TDRD9: variants seen among roughly 807,000 people sequenced by gnomAD.
The protein encoded by TDRD9 is ATP-dependent RNA helicase TDRD9.
Under a neutral mutation model 172.6 loss-of-function variants are expected in TDRD9, and 124 were observed. The ratio of observed to expected loss-of-function variants is 0.72; its 90% CI spans 0.62 to 0.83. TDRD9 has a LOEUF of 0.83. Among genes scored for constraint, TDRD9 ranks in the 40% least tolerant of loss-of-function variants. The pLI is 0.00. For synonymous variants in TDRD9, 619 were observed against 617.1 expected, an observed-to-expected ratio of 1.00 and a Z score of -0.05; for missense variants, 1,479 against 1,714.1, an observed-to-expected ratio of 0.86 and a Z score of 2.42.
At chr14:104,009,516 G>A (rs182171123) in intron 20 of TDRD9, among the ~76,000 whole-genome samples, 1 of 152,324 alleles carries the variant, frequency 6.6e-6, no homozygotes, top group Admixed American at 6.5e-5. Flanking sequence ...GTGAGGGAAT[G>A]TGAAGGCCCA....
At chr14:103,971,718 C>A (rs1428316219) in intron 6 of TDRD9, among the ~76,000 whole-genome samples, 1 of 152,192 alleles carries the variant, frequency 6.6e-6, no homozygotes, top group Non-Finnish European at 1.5e-5. Flanking sequence ...CTTTTATGAA[C>A]AGAGTACGGA....
At chr14:104,007,037 T>A (rs1315677373) in intron 18 of TDRD9, 123 bp from the exon 19 acceptor site, 1 of 1,118,216 alleles carries the variant, frequency 8.9e-7, no homozygotes, top group African/African-American at 1.6e-5. Flanking sequence ...TTTATGAAAT[T>A]GATTGAAAAA....
chr14:103,966,048 A>G (rs1293015029), intron 4 of TDRD9, among the ~76,000 whole-genome samples: 1 of 151,554 alleles, frequency 6.6e-6, no homozygotes, highest in Non-Finnish European at 1.5e-5. Context: ...CTTGAAAATA[A>G]GGCTGGGCAT....
intron 34 of TDRD9, among the ~76,000 whole-genome samples, chr14:104,043,792 T>C (rs2140924928): frequency 6.6e-6 from 1 of 152,348 alleles, no homozygotes; most frequent in South Asian, 2.1e-4. Context: ...CAACACAACC[T>C]AGCTCTTCAG....
rs530897777 is a variant in TDRD9 at position 104,009,529 on chromosome 14, A to G, written c.2106+1063A>G. On this transcript the variant is annotated intron_variant, in intron 20 of 35. Coordinates refer to ENST00000409874, the MANE Select transcript of TDRD9 (RefSeq NM_153046.3). Reference sequence around the variant, plus strand: ...TGGTGAGGGAATGTGAAGGCCCAGGACACCACTGCACATGACTGTAGACTA... The same window carrying G: ...TGGTGAGGGAATGTGAAGGCCCAGGGCACCACTGCACATGACTGTAGACTA... Among the ~76,000 whole-genome samples, 60 of 152,332 alleles carry G rather than the reference A, an allele frequency of 3.9e-4. 1 individual carries two copies. Among genetic ancestry groups the G allele is most frequent in the African/African-American group, 1.4e-3 (57 of 41,572 alleles).
At chr14:104,040,447 G>T in intron 33 of TDRD9, 113 bp downstream of exon 33, 1 of 1,188,062 alleles carries the variant, frequency 8.4e-7, no homozygotes, top group Non-Finnish European at 1.1e-6. Context: ...CACACCTCTG[G>T]TCCTGGAGAT....
intron 9 of TDRD9, 82 bp from the exon 10 acceptor site, chr14:103,994,250 T>TA: frequency 8.3e-7 from 1 of 1,203,188 alleles, no homozygotes; most frequent in South Asian, 1.2e-5. Context: ...CTTTGAAAGA[T>TA]ATGCCATTTT....
chr14:104,042,424 G>A (rs1165498388), intron 34 of TDRD9, among the ~76,000 whole-genome samples: 1 of 152,122 alleles, frequency 6.6e-6, no homozygotes, highest in Non-Finnish European at 1.5e-5. Flanking sequence ...CAGGGCATGG[G>A]AAGCCACAGT....
At chr14:103,951,496 C>T (rs1227350433) in intron 1 of TDRD9, among the ~76,000 whole-genome samples, 4 of 152,182 alleles carry the variant, frequency 2.6e-5, no homozygotes, top group African/African-American at 9.7e-5. Context: ...CGGCATTGTA[C>T]ATAGAAAGGA....
Position 104,039,606 on chromosome 14 carries a change from G to C in TDRD9, c.3717-590G>C, listed in dbSNP as rs1566802262. 3.3e-5 allele frequency among the ~76,000 whole-genome samples: 5 copies of C among 152,240 alleles called. No homozygotes were observed. The South Asian group carries it at 8.3e-4, about 25-fold the overall frequency. ...GAAAGTTGTTACCAAGTCCAGGTGA[G>C]AAATGGCAGTGGCTTGGACCAGGCT... On this transcript the variant is annotated intron_variant, in intron 32 of 35. Transcript: ENST00000409874.
chr14:103,951,156 A>G (rs989087393), intron 1 of TDRD9, among the ~76,000 whole-genome samples: 1 of 152,120 alleles, frequency 6.6e-6, no homozygotes, highest in African/African-American at 2.4e-5. Context: ...AAATCCATCA[A>G]TTTTTCAGAG....
chr14:103,975,418 T>C lies in TDRD9; in HGVS notation c.876T>C (p.Cys292=). 6.2e-7 allele frequency: 1 copy of C among 1,613,924 alleles called. No individual in the cohort carries two copies. The highest frequency in any genetic ancestry group is 2.2e-5 in the East Asian group (1 of 44,868). The change falls in exon 7 of 36, where the codon TGT becomes TGC. Residue 292 remains cysteine, a synonymous_variant. Transcript: ENST00000409874. ...TCCTGATGTCGGCTACCATCAGCTG[T>C]AAAGAGTTTGCAGACTACTTTGCTG... is the stretch of plus-strand genomic sequence containing the variant. ...KVVLMSATIS[C]KEFADYFAVP... is the part of the protein sequence containing the mutation.
chr14:103,971,750 C>T (rs151065941), intron 6 of TDRD9, among the ~76,000 whole-genome samples: 17 of 152,248 alleles, frequency 1.1e-4, no homozygotes, highest in African/African-American at 3.9e-4. Flanking sequence ...TATTATGTTG[C>T]CTTAAACTCT....
At chr14:104,038,935 G>C (rs947601136) in intron 32 of TDRD9, among the ~76,000 whole-genome samples, 4 of 152,194 alleles carry the variant, frequency 2.6e-5, no homozygotes, top group African/African-American at 9.7e-5. Flanking sequence ...CTCCCAAAGT[G>C]CTGGGATTAC....
At chr14:103,996,419 G>T (rs2034062015) in intron 12 of TDRD9, among the ~76,000 whole-genome samples, 1 of 152,180 alleles carries the variant, frequency 6.6e-6, no homozygotes, top group African/African-American at 2.4e-5. Flanking sequence ...ATAATTTCAG[G>T]TACAGGTCAA....
intron 20 of TDRD9, among the ~76,000 whole-genome samples, chr14:104,011,806 C>T (rs555943680): frequency 6.6e-6 from 1 of 152,246 alleles, no homozygotes; most frequent in South Asian, 2.1e-4. Flanking sequence ...CCAAGACCAT[C>T]CTCAGGTTCA....
intron 7 of TDRD9, among the ~76,000 whole-genome samples, chr14:103,983,402 C>T (rs1344099475): frequency 6.6e-6 from 1 of 152,008 alleles, no homozygotes; most frequent in Non-Finnish European, 1.5e-5. Context: ...AACTAGCTGA[C>T]TTAATTTACT....
At chr14:103,987,318 T>A (rs2033707607) in intron 8 of TDRD9, among the ~76,000 whole-genome samples, 1 of 152,206 alleles carries the variant, frequency 6.6e-6, no homozygotes, top group African/African-American at 2.4e-5. Flanking sequence ...CCCTTATGTC[T>A]TTTCATGGCT....
intron 1 of TDRD9, among the ~76,000 whole-genome samples, chr14:103,937,035 T>A (rs2152116826): frequency 6.6e-6 from 1 of 152,276 alleles, no homozygotes; most frequent in South Asian, 2.1e-4. Context: ...AAGGCTGCAG[T>A]GAGCTATGAT....
Sources: allele counts gnomAD v4.1 joint callset (sites outside exome capture counted in the v4.1 genomes callset), GRCh38; gene constraint gnomAD v4.1.1; transcripts MANE v1.5; gene names NCBI Gene and HGNC (gene_info 2026-07-23, HGNC 2026-07-21).